Variants in SLC12A1 observed in about 807,000 individuals in gnomAD.
SLC12A1 encodes Na-K-2Cl cotransporter.
A neutral mutation model predicts 130.4 loss-of-function variants in SLC12A1; 89 were observed. That is an observed-to-expected ratio of 0.68 (90% confidence interval 0.58 to 0.81). The LOEUF is 0.81. Ranked by LOEUF, SLC12A1 falls within the 40% of genes least tolerant of loss-of-function variation. The probability of loss-of-function intolerance (pLI) is 0.00; values close to 1 mark genes in which losing one functional copy is unlikely to be tolerated. For synonymous variants in SLC12A1, 499 were observed against 460.0 expected, an observed-to-expected ratio of 1.08 and a Z score of -1.09; for missense variants, 1,310 against 1,336.4, an observed-to-expected ratio of 0.98 and a Z score of 0.31.
intron 9 of SLC12A1, among the ~76,000 whole-genome samples, chr15:48,236,341 A>C (rs1213218827): frequency 1.3e-5 from 2 of 152,236 alleles, no homozygotes; most frequent in African/African-American, 2.4e-5. Context: ...CCTGAGCATA[A>C]AGCAAAGTCT....
intron 17 of SLC12A1, 48 bp downstream of exon 17, chr15:48,259,359 C>A: frequency 2.4e-6 from 3 of 1,254,914 alleles, no homozygotes; most frequent in Non-Finnish European, 3.5e-6. Context: ...CCCTGCTTAT[C>A]TTGGATTATT....
At chr15:48,239,550 T>TAAATAAATAAATAAA (rs2041478380) in intron 9 of SLC12A1, among the ~76,000 whole-genome samples, 2 of 90,380 alleles carry the variant, frequency 2.2e-5, no homozygotes, top group African/African-American at 1.1e-4. Context: ...AAATAAATAA[T>TAAATAAATAAATAAA]AATGTCTTAG....
At position 48,244,790 on chromosome 15, in the gene SLC12A1, T is replaced by A. The variant is rs188300373; in HGVS notation, c.1338T>A (p.Asn446Lys). 6.2e-7 allele frequency: 1 copy of A among 1,613,846 alleles called. No individual in the cohort carries two copies. Among genetic ancestry groups the A allele is most frequent in the African/African-American group, 1.3e-5 (1 of 74,906 alleles). Residue 446 changes from asparagine to lysine, a missense_variant, in exon 11 of 27, where the codon AAT becomes AAA. Physicochemically the swap from Asn to Lys is moderately conservative, Grantham distance 94. Coordinates refer to ENST00000380993, the MANE Select transcript of SLC12A1 (RefSeq NM_000338.3). ...TCCGAGATGCCACCGGGAACATGAA[T>A]GACACCATCATTTCTGGGATGAACT... ...CVVRDATGNM[N>K]DTIISGMNCN...
At position 48,274,670 on chromosome 15, in the gene SLC12A1, T is replaced by G. The variant is rs1312463946; in HGVS notation, c.2485+17T>G. ...AGGTGCAAGGTATGTACTTTCTTTA[T>G]TCAACCAACAAGTATTTATTGAGCA... On this transcript the variant is annotated intron_variant, in intron 20 of 26. Coordinates refer to ENST00000380993, the MANE Select transcript of SLC12A1 (RefSeq NM_000338.3). The G allele has an allele frequency of 1.9e-6, 3 of 1,571,128 alleles. No individual in the cohort carries two copies. The highest frequency in any genetic ancestry group is 2.6e-6 in the Non-Finnish European group (3 of 1,142,294).
At chr15:48,254,542 A>G (rs1018134855) in intron 15 of SLC12A1, among the ~76,000 whole-genome samples, 2 of 137,324 alleles carry the variant, frequency 1.5e-5, no homozygotes. Context: ...CATTCTTGTC[A>G]GGGACTTCCT....
rs571159142 is a variant in SLC12A1 at position 48,262,872 on chromosome 15, T to C, written c.2154+3561T>C. Among the ~76,000 whole-genome samples, 14 of 152,324 alleles carry C rather than the reference T, an allele frequency of 9.2e-5. No homozygotes were observed. The South Asian group carries it at 2.9e-3, about 32-fold the overall frequency. ...AACAGGTTCAGCAAAAGGTAAGTTA[T>C]TAGTTAAAAGTTGCAAGTTGCATCC... On this transcript the variant is annotated intron_variant, in intron 17 of 26. Transcript: ENST00000380993.
At chr15:48,292,897 AC>A (rs1054247836) in intron 24 of SLC12A1, among the ~76,000 whole-genome samples, 1 of 152,116 alleles carries the variant, frequency 6.6e-6, no homozygotes, top group African/African-American at 2.4e-5. Context: ...TCAGCTTATA[AC>A]AATGATATTT....
At chr15:48,255,386 C>G (rs1015765501) in intron 15 of SLC12A1, among the ~76,000 whole-genome samples, 1 of 148,340 alleles carries the variant, frequency 6.7e-6, no homozygotes, top group African/African-American at 2.5e-5. Context: ...TGCAGTGAGC[C>G]AAGATCGTGC....
chr15:48,241,728 G>C (rs976145675), intron 10 of SLC12A1, 129 bp downstream of exon 10: 2 of 690,738 alleles, frequency 2.9e-6, no homozygotes, highest in African/African-American at 3.6e-5. Flanking sequence ...TCCGTTCTTG[G>C]TACCTTAATG....
chr15:48,288,054 A>G lies in SLC12A1; in HGVS notation c.2641A>G (p.Asn881Asp). ...KTTPKKDGSI[N>D]TSQSMHVGEF... The stretch of plus-strand genomic sequence containing the variant: ...CTCTTTCGTTTCAGATGGCAGCATT[A>G]ACACAAGCCAGTCGATGCATGTGGG... The change falls in exon 22 of 27, where the codon AAC becomes GAC. Residue 881 changes from asparagine (N) to aspartate (D), a missense_variant. Coordinates refer to ENST00000380993, the MANE Select transcript of SLC12A1 (RefSeq NM_000338.3). 1 of 1,610,376 alleles carries G rather than the reference A, an allele frequency of 6.2e-7. No homozygotes were observed.
Position 48,207,609 on chromosome 15 carries a change from G to A in SLC12A1, c.-111G>A, listed in dbSNP as rs2040996691. The A allele has an allele frequency of 1.2e-6, 1 of 811,716 alleles. No individual in the cohort carries two copies. Among genetic ancestry groups the A allele is most frequent in the African/African-American group, 1.7e-5 (1 of 57,808 alleles). The allele number at this position is 811,716 out of a possible 1,614,324, so 50.3% of individuals were successfully genotyped here. A position where few individuals can be genotyped will look rare whatever the true frequency, so the allele number is the denominator to read the frequency against. Reference sequence around the variant, plus strand: ...ATTTATTGAATCATCTAGAACAAAAGCCAGGAGCTCCCTAATGGAAGCACA... The same window carrying A: ...ATTTATTGAATCATCTAGAACAAAAACCAGGAGCTCCCTAATGGAAGCACA... On this transcript the variant is annotated 5_prime_UTR_variant, in exon 2 of 27. Transcript: ENST00000380993.
At chr15:48,221,653 T>C (rs2041217949) in intron 4 of SLC12A1, among the ~76,000 whole-genome samples, 1 of 152,230 alleles carries the variant, frequency 6.6e-6, no homozygotes, top group Non-Finnish European at 1.5e-5. Context: ...CATTCTATTT[T>C]AAATATTATT....
chr15:48,236,700 A>T (rs988559131), intron 9 of SLC12A1, among the ~76,000 whole-genome samples: 2 of 152,218 alleles, frequency 1.3e-5, no homozygotes, highest in Non-Finnish European at 2.9e-5. Flanking sequence ...CAGCAGAAAT[A>T]TGGCATAAAA....
At position 48,267,567 on chromosome 15, in the gene SLC12A1, C is replaced by G. The variant is rs143401237; in HGVS notation, c.2161C>G (p.Arg721Gly). The G allele has an allele frequency of 2.0e-5, 33 of 1,613,136 alleles. No homozygotes were observed. The highest frequency in any genetic ancestry group is 2.6e-5 in the Non-Finnish European group (31 of 1,179,454). Residue 721 changes from arginine to glycine, a missense_variant, in exon 18 of 27, where the codon CGC (arginine) becomes GGC (glycine). By Grantham distance (125) the Arg-to-Gly change is moderately radical. Coordinates refer to ENST00000380993, the MANE Select transcript of SLC12A1 (RefSeq NM_000338.3). ...ATTTCATTGTGTCACACAGGGACCG[C>G]GCAAACTGTGTGTTAAGGAGATGAA... is the stretch of plus-strand genomic sequence containing the variant. Reference protein sequence around the residue: ...CICCEVFVGPRKLCVKEMNSG... With the variant: ...CICCEVFVGPGKLCVKEMNSG...
At chr15:48,231,689 C>T (rs12909283) in intron 7 of SLC12A1, among the ~76,000 whole-genome samples, 112,891 of 151,706 alleles carry the variant, frequency 0.74, 42,923 homozygotes, top group Non-Finnish European at 0.82. Context: ...TCTGCAACTG[C>T]TCTATTGTAA....
Position 48,289,499 on chromosome 15 carries a change from C to T in SLC12A1, c.2873+983C>T, listed in dbSNP as rs75717013. 1.7e-4 allele frequency among the ~76,000 whole-genome samples: 25 copies of T among 147,886 alleles called. 1 individual carries two copies. Among genetic ancestry groups the T allele is most frequent in the African/African-American group, 5.5e-4 (22 of 39,654 alleles). On this transcript the variant is annotated intron_variant, in intron 23 of 26. Transcript: ENST00000380993. ...GTATAACAATGTATATACACACACA[C>T]AGTTATACACTGCTACATTGTTACA...
rs144739644 is a variant in SLC12A1 at position 48,299,765 on chromosome 15, A to G, written c.3096+490A>G. Among the ~76,000 whole-genome samples, 192 of 152,368 alleles carry G rather than the reference A, an allele frequency of 1.3e-3. 1 individual carries two copies. Among genetic ancestry groups the G allele is most frequent in the Non-Finnish European group, 1.9e-3 (131 of 68,038 alleles). Reference sequence around the variant, plus strand: ...GGATCCAGCACACATTGTAAGATGGATGTAAAATGGTGAGCCTTTCTAGAC... The same window carrying G: ...GGATCCAGCACACATTGTAAGATGGGTGTAAAATGGTGAGCCTTTCTAGAC... On this transcript the variant is annotated intron_variant, in intron 25 of 26. Coordinates refer to ENST00000380993, the MANE Select transcript of SLC12A1 (RefSeq NM_000338.3).
At position 48,274,924 on chromosome 15, in the gene SLC12A1, G is replaced by A. The variant is rs34396738; in HGVS notation, c.2485+271G>A. Among the ~76,000 whole-genome samples, 3,945 of 152,266 alleles carry A rather than the reference G, an allele frequency of 0.026. 153 individuals carry two copies. Among genetic ancestry groups the A allele is most frequent in the East Asian group, 0.11 (548 of 5,186 alleles). ...ACAAAACCACAAAGCCAGCATCAAG[G>A]AAAATAAACACCTTCGGTAAAATAA... On this transcript the variant is annotated intron_variant, in intron 20 of 26. Coordinates refer to ENST00000380993, the MANE Select transcript of SLC12A1 (RefSeq NM_000338.3).
rs1402501928 is a variant in SLC12A1 at position 48,259,300 on chromosome 15, G to A, written c.2143G>A (p.Glu715Lys). ...TKNSGLCICC[E>K]VFVGPRKLCV... Reference sequence around the variant, plus strand: ...GAACAGTGGCCTTTGCATCTGCTGTGAAGTCTTTGTGGTAAGAGCCACTTC... The same window carrying A: ...GAACAGTGGCCTTTGCATCTGCTGTAAAGTCTTTGTGGTAAGAGCCACTTC... The change falls in exon 17 of 27, where the codon GAA becomes AAA. Residue 715 changes from glutamate (E) to lysine (K), a missense_variant. Physicochemically the swap from Glu to Lys is moderately conservative, Grantham distance 56. Coordinates refer to ENST00000380993, the MANE Select transcript of SLC12A1 (RefSeq NM_000338.3). 4 of 1,611,254 alleles carry A rather than the reference G, an allele frequency of 2.5e-6. No individual in the cohort carries two copies. The highest frequency in any genetic ancestry group is 3.4e-6 in the Non-Finnish European group (4 of 1,177,504).
Sources: gnomAD v4.1 joint callset for allele counts (sites outside exome capture counted in the v4.1 genomes callset) on GRCh38, gnomAD v4.1.1 for gene constraint, MANE v1.5 for transcripts, NCBI Gene and HGNC (gene_info 2026-07-23, HGNC 2026-07-21) for gene names.